HIPK3: variants seen among roughly 807,000 people sequenced by gnomAD.
HIPK3 encodes homeodomain interacting protein kinase 3.
A neutral mutation model predicts 124.2 loss-of-function variants in HIPK3; 47 were observed. The ratio of observed to expected loss-of-function variants is 0.38; its 90% confidence interval spans 0.30 to 0.48. The LOEUF (loss-of-function observed/expected upper bound fraction) is 0.48. Among genes scored for constraint, HIPK3 ranks in the 20% least tolerant of loss-of-function variants. HIPK3 has a pLI of 0.98. For synonymous variants in HIPK3, 482 were observed against 515.2 expected (o/e 0.94, Z 0.87); for missense variants, 1,286 against 1,454.3 (o/e 0.88, Z 1.88).
At chr11:33,257,101 A>C (rs1054100371), upstream of HIPK3, among the ~76,000 whole-genome samples, 1 of 152,154 alleles carries the variant, frequency 6.6e-6, no homozygotes, top group East Asian at 1.9e-4. Context: ...TGAGGTTCAG[A>C]ACAGCAGAGC....
At chr11:33,347,464 A>G (rs747693582) in intron 9 of HIPK3, 50 bp downstream of exon 9, 13 of 1,608,976 alleles carry the variant, frequency 8.1e-6, no homozygotes, top group Non-Finnish European at 1.1e-5. Context: ...CTTTTGGGAA[A>G]TAGTGAAAAT....
At chr11:33,319,220 T>C (rs1590396616) in intron 2 of HIPK3, among the ~76,000 whole-genome samples, 2 of 152,156 alleles carry the variant, frequency 1.3e-5, no homozygotes, top group East Asian at 3.9e-4. Flanking sequence ...TTTCTTTAAA[T>C]GAAATTATGC....
chr11:33,278,125 CCT>C (rs1444317486), intron 1 of HIPK3, among the ~76,000 whole-genome samples: 2 of 152,196 alleles, frequency 1.3e-5, no homozygotes, highest in East Asian at 1.9e-4. Flanking sequence ...TTAAAGAAAA[CCT>C]CTCCTTTCTG....
At chr11:33,323,785 A>ATGTAG (rs1413312503) in intron 2 of HIPK3, among the ~76,000 whole-genome samples, 1 of 152,264 alleles carries the variant, frequency 6.6e-6, no homozygotes, top group Non-Finnish European at 1.5e-5. Flanking sequence ...AAAGGAAAAG[A>ATGTAG]AATGGCATTT....
chr11:33,334,811 G>A (rs1326894655), intron 3 of HIPK3, among the ~76,000 whole-genome samples: 1 of 152,194 alleles, frequency 6.6e-6, no homozygotes, highest in African/African-American at 2.4e-5. Context: ...ACTAACAGAT[G>A]CACATTTTGC....
At chr11:33,264,479 A>C (rs1402151079) in intron 1 of HIPK3, among the ~76,000 whole-genome samples, 2 of 79,716 alleles carry the variant, frequency 2.5e-5, no homozygotes, top group South Asian at 3.5e-4. Flanking sequence ...TGGAAAAAAA[A>C]CAGTTTAGAT....
intron 2 of HIPK3, among the ~76,000 whole-genome samples, chr11:33,311,870 TAC>T (rs1213555931): frequency 1.1e-4 from 3 of 26,272 alleles, no homozygotes; most frequent in Non-Finnish European, 2.6e-4. Flanking sequence ...ACACACACAC[TAC>T]ACACACACAC....
At position 33,341,391 on chromosome 11, in the gene HIPK3, G is replaced by A. The variant is rs538461724; in HGVS notation, c.1774-172G>A. The stretch of plus-strand genomic sequence containing the variant: ...TGCCACAACTCTACCAAAAGTAGAG[G>A]TCAGTAGAATCGGTTTTTAAATTTT... On this transcript the variant is annotated intron_variant, in intron 7 of 16. Coordinates refer to ENST00000303296, the MANE Select transcript of HIPK3 (RefSeq NM_005734.5). Among the ~76,000 whole-genome samples the A allele has an allele frequency of 2.6e-5, 4 of 152,236 alleles. No homozygotes were observed. In the East Asian group the frequency reaches 5.8e-4, roughly 22 times the overall value.
intron 3 of HIPK3, among the ~76,000 whole-genome samples, chr11:33,332,039 A>G (rs1012157377): frequency 6.6e-6 from 1 of 152,104 alleles, no homozygotes; most frequent in Non-Finnish European, 1.5e-5. Flanking sequence ...AATAACAGGC[A>G]CGAGCCACCG....
chr11:33,318,039 T>C (rs1036246465), intron 2 of HIPK3, among the ~76,000 whole-genome samples: 2 of 152,232 alleles, frequency 1.3e-5, no homozygotes, highest in Non-Finnish European at 2.9e-5. Context: ...GAGTAAATGC[T>C]TAAATTATAG....
intron 1 of HIPK3, chr11:33,258,681 T>C: frequency 2.0e-6 from 2 of 985,362 alleles, no homozygotes; most frequent in Non-Finnish European, 2.4e-6. Context: ...GAGACGGCTG[T>C]TGTAAAATGG....
intron 1 of HIPK3, among the ~76,000 whole-genome samples, chr11:33,282,990 T>G (rs772130658): frequency 6.6e-6 from 1 of 152,004 alleles, no homozygotes; most frequent in Non-Finnish European, 1.5e-5. Context: ...ATAGCCGGAG[T>G]TTTCAGTGTG....
At chr11:33,311,837 T>C (rs1309600601) in intron 2 of HIPK3, among the ~76,000 whole-genome samples, 2 of 104,408 alleles carry the variant, frequency 1.9e-5, no homozygotes, top group Admixed American at 1.0e-4. Context: ...ACCCTGTTTC[T>C]ACACACACAC....
intron 2 of HIPK3, among the ~76,000 whole-genome samples, chr11:33,294,569 G>T (rs1213144603): frequency 2.0e-5 from 3 of 152,056 alleles, no homozygotes; most frequent in African/African-American, 7.2e-5. Flanking sequence ...GTTAACATCA[G>T]TTCAATATTA....
chr11:33,280,794 A>G (rs1851392306), intron 1 of HIPK3, among the ~76,000 whole-genome samples: 1 of 152,208 alleles, frequency 6.6e-6, no homozygotes, highest in Non-Finnish European at 1.5e-5. Context: ...ACAATTTAAC[A>G]TGGCATGAAT....
intron 1 of HIPK3, among the ~76,000 whole-genome samples, chr11:33,259,780 A>C (rs1367493365): frequency 6.8e-6 from 1 of 147,684 alleles, no homozygotes; most frequent in Admixed American, 6.8e-5. Flanking sequence ...TTGTTCCTTA[A>C]TCCCCCCCTC....
At chr11:33,291,934 G>T (rs1276861260) in intron 2 of HIPK3, among the ~76,000 whole-genome samples, 1 of 152,092 alleles carries the variant, frequency 6.6e-6, no homozygotes, top group Non-Finnish European at 1.5e-5. Context: ...GGTATGTAAT[G>T]ATAAACAGTT....
chr11:33,276,467 A>G (rs1590348112), intron 1 of HIPK3, among the ~76,000 whole-genome samples: 1 of 152,292 alleles, frequency 6.6e-6, no homozygotes, highest in South Asian at 2.1e-4. Flanking sequence ...TAACTTTTGG[A>G]TATTCATTAT....
At chr11:33,308,679 C>CT (rs1783226802) in intron 2 of HIPK3, among the ~76,000 whole-genome samples, 1 of 149,330 alleles carries the variant, frequency 6.7e-6, no homozygotes, top group Admixed American at 6.7e-5. Flanking sequence ...TCTTGAATCT[C>CT]TTAATAGCTT....
Sources: gnomAD v4.1 joint callset for allele counts (sites outside exome capture counted in the v4.1 genomes callset) on GRCh38, gnomAD v4.1.1 for gene constraint, MANE v1.5 for transcripts, NCBI Gene and HGNC (gene_info 2026-07-23, HGNC 2026-07-21) for gene names.